The following NEBL variants were observed in gnomAD, a reference collection of about 807,000 sequenced individuals.
NEBL encodes the protein nebulette.
A neutral mutation model predicts 140.2 loss-of-function variants in NEBL; 122 were observed. The observed-to-expected ratio is 0.87, with a 90% CI of 0.75 to 1.01. The LOEUF is 1.01. Ranked by LOEUF, NEBL falls within the 50% of genes least tolerant of loss-of-function variation. The probability of loss-of-function intolerance (pLI) is 0.00; values close to 1 mark genes in which losing one functional copy is unlikely to be tolerated. For missense variants in NEBL, 1,365 were observed against 1,231.3 expected (o/e 1.11, Z -1.62); for synonymous variants, 436 against 398.9 (o/e 1.09, Z -1.11).
chr10:20,785,999 C>A, intron 27 of NEBL, 76 bp from the exon 28 acceptor site: 1 of 1,369,630 alleles, frequency 7.3e-7, no homozygotes, highest in Non-Finnish European at 1.0e-6. Context: ...AACACACCGA[C>A]CCACACATAA....
Position 20,831,510 on chromosome 10 carries a change from A to T in NEBL, c.1523T>A (p.Val508Asp). The change falls in exon 15 of 28, where the codon GTC (valine) becomes GAC (aspartate). Residue 508 changes from valine to aspartate, a missense_variant. Transcript: ENST00000377122. ...CTCGGATGCTTTCTTAGCTCTCTGG[A>T]CATCAAGAGTGTCTGTGCTCACCTG... Reference protein sequence around the residue: ...GMQVSTDTLDVQRAKKASEMA... With the variant: ...GMQVSTDTLDDQRAKKASEMA... The T allele has an allele frequency of 1.2e-6, 2 of 1,612,228 alleles. No homozygotes were observed. Among genetic ancestry groups the T allele is most frequent in the Non-Finnish European group, 1.7e-6 (2 of 1,179,284 alleles).
At chr10:21,103,163 G>A (rs1037099920) in intron 2 of NEBL, among the ~76,000 whole-genome samples, 22 of 151,228 alleles carry the variant, frequency 1.5e-4, no homozygotes, top group African/African-American at 5.1e-4. Context: ...AAAATAAAAT[G>A]TATGTACAGG....
At chr10:21,169,588 C>T (rs1840988901) in intron 2 of NEBL, among the ~76,000 whole-genome samples, 1 of 152,150 alleles carries the variant, frequency 6.6e-6, no homozygotes, top group Non-Finnish European at 1.5e-5. Flanking sequence ...CCTTTGAGCC[C>T]AGAACCCTCT....
At chr10:20,792,487 G>A (rs1836094673) in intron 26 of NEBL, among the ~76,000 whole-genome samples, 1 of 152,172 alleles carries the variant, frequency 6.6e-6, no homozygotes, top group South Asian at 2.1e-4. Context: ...ATTAAATAAT[G>A]AACTAGATCC....
intron 4 of NEBL, among the ~76,000 whole-genome samples, chr10:20,958,680 C>G (rs1363369963): frequency 6.6e-6 from 1 of 152,150 alleles, no homozygotes; most frequent in Non-Finnish European, 1.5e-5. Flanking sequence ...TCTTCCCAGC[C>G]ATTTAGTCAA....
chr10:21,150,889 G>A (rs770048574), intron 2 of NEBL, among the ~76,000 whole-genome samples: 2 of 152,130 alleles, frequency 1.3e-5, no homozygotes, highest in Non-Finnish European at 1.5e-5. Context: ...GAAGAACAAG[G>A]TTCCGTTGTC....
intron 2 of NEBL, among the ~76,000 whole-genome samples, chr10:21,036,757 T>G (rs530545317): frequency 3.9e-5 from 6 of 152,120 alleles, no homozygotes; most frequent in African/African-American, 1.4e-4. Flanking sequence ...AGCTTGTCTC[T>G]ACAGAAAGTG....
intron 3 of NEBL, among the ~76,000 whole-genome samples, chr10:21,227,510 C>G (rs1474572484): frequency 8.5e-5 from 13 of 152,212 alleles, no homozygotes; most frequent in Admixed American, 8.5e-4. Context: ...AAAGGAAACA[C>G]TTTTTCTTGA....
At chr10:20,807,277 G>C (rs533345107) in intron 26 of NEBL, among the ~76,000 whole-genome samples, 1 of 152,336 alleles carries the variant, frequency 6.6e-6, no homozygotes, top group East Asian at 1.9e-4. Flanking sequence ...AGTGAGCTGA[G>C]ATTGTGCCAC....
At chr10:20,804,970 G>A (rs1837469370) in intron 26 of NEBL, among the ~76,000 whole-genome samples, 1 of 152,156 alleles carries the variant, frequency 6.6e-6, no homozygotes, top group Non-Finnish European at 1.5e-5. Flanking sequence ...AACCAGTCAG[G>A]AGGCAACTAT....
intron 1 of NEBL, among the ~76,000 whole-genome samples, chr10:21,285,579 G>A (rs1196871127): frequency 2.0e-5 from 3 of 152,210 alleles, no homozygotes; most frequent in Admixed American, 2.0e-4. Context: ...TTGGGGACAT[G>A]TCGTCAGGAC....
intron 2 of NEBL, among the ~76,000 whole-genome samples, chr10:21,051,477 A>G (rs1384012277): frequency 6.6e-6 from 1 of 152,208 alleles, no homozygotes; most frequent in Admixed American, 6.5e-5. Context: ...TGTCATCCTC[A>G]TGGTACCCCC....
intron 4 of NEBL, among the ~76,000 whole-genome samples, chr10:20,922,256 T>C (rs889673176): frequency 6.6e-6 from 1 of 152,202 alleles, no homozygotes; most frequent in Non-Finnish European, 1.5e-5. Context: ...GACTCCTCTC[T>C]GTGTCATAGC....
chr10:20,926,865 G>T (rs1165824983), intron 4 of NEBL, among the ~76,000 whole-genome samples: 1 of 152,172 alleles, frequency 6.6e-6, no homozygotes, highest in Non-Finnish European at 1.5e-5. Context: ...CACAACCTAT[G>T]AATATTCCCA....
intron 2 of NEBL, among the ~76,000 whole-genome samples, chr10:21,062,487 C>G (rs1322525695): frequency 6.6e-6 from 1 of 151,492 alleles, no homozygotes; most frequent in Non-Finnish European, 1.5e-5. Context: ...ATAGAGAAAC[C>G]CTGTCTCTAC....
intron 2 of NEBL, among the ~76,000 whole-genome samples, chr10:21,098,148 G>A (rs1241029208): frequency 6.6e-6 from 1 of 152,094 alleles, no homozygotes; most frequent in Non-Finnish European, 1.5e-5. Flanking sequence ...TAGGGCTAAA[G>A]CTGCAGGGCC....
chr10:21,229,406 G>C (rs900536918), intron 3 of NEBL, among the ~76,000 whole-genome samples: 4 of 152,120 alleles, frequency 2.6e-5, no homozygotes, highest in Admixed American at 6.5e-5. Flanking sequence ...GGGTAACAGA[G>C]GGGGACCCTG....
rs145761341 is a variant in NEBL, at chr10:20,974,593, A to T, written c.250-12814T>A. On this transcript the variant is annotated intron_variant, in intron 3 of 6. Transcript: ENST00000417816. ...AAAATATATCATTATTTTTCAAAAG[A>T]CTAGATTCTAAACAATGTAAACAAG... Among the ~76,000 whole-genome samples the T allele has an allele frequency of 7.4e-4, 112 of 152,332 alleles. 1 individual carries two copies. The East Asian group carries it at 0.021, about 28-fold the overall frequency.
At chr10:20,829,533 A>G (rs1232733579) in intron 16 of NEBL, among the ~76,000 whole-genome samples, 1 of 151,982 alleles carries the variant, frequency 6.6e-6, no homozygotes, top group East Asian at 1.9e-4. Context: ...ACATGTATAC[A>G]TATGTAACTA....
Sources: allele counts gnomAD v4.1 joint callset (sites outside exome capture counted in the v4.1 genomes callset), GRCh38; gene constraint gnomAD v4.1.1; transcripts MANE v1.5; gene names NCBI Gene and HGNC (gene_info 2026-07-23, HGNC 2026-07-21).